Variants in NCKAP5 observed in about 807,000 individuals in gnomAD.
NCKAP5 encodes nck-associated protein 5.
NCKAP5 carries 92 observed loss-of-function variants against 167.0 expected under a neutral mutation model. The observed-to-expected ratio is 0.55, with a 90% CI of 0.47 to 0.66. The LOEUF is 0.66. NCKAP5 is among the 30% of genes least tolerant of loss of function. The pLI, the probability that NCKAP5 is intolerant of heterozygous loss-of-function variation, is 0.00. For missense variants in NCKAP5, 2,378 were observed against 2,315.0 expected (o/e 1.03, Z -0.56); for synonymous variants, 891 against 877.4 (o/e 1.02, Z -0.27).
At position 133,032,792 on chromosome 2, in the gene NCKAP5, T is replaced by C. The variant is rs541968041; in HGVS notation, c.342-38553A>G. 2.0e-4 allele frequency among the ~76,000 whole-genome samples: 30 copies of C among 152,186 alleles called. No homozygotes were observed. In the South Asian group the frequency reaches 4.6e-3, roughly 23 times the overall value. On this transcript the variant is annotated intron_variant, in intron 6 of 19. Coordinates refer to ENST00000409261, the MANE Select transcript of NCKAP5 (RefSeq NM_207363.3). Reference sequence around the variant, plus strand: ...AGTTCTGCAGGTTGTACAGAAAGCATGGTTGGGGAGGCCTCAGGAAACTTA... The same window carrying C: ...AGTTCTGCAGGTTGTACAGAAAGCACGGTTGGGGAGGCCTCAGGAAACTTA...
At chr2:132,751,589 A>G (rs764629404) in intron 16 of NCKAP5, among the ~76,000 whole-genome samples, 14 of 152,218 alleles carry the variant, frequency 9.2e-5, no homozygotes, top group Non-Finnish European at 1.6e-4. Flanking sequence ...AGCAATGCAC[A>G]TGCCTACAGC....
chr2:133,022,408 G>T (rs2078558124), intron 6 of NCKAP5, among the ~76,000 whole-genome samples: 1 of 152,162 alleles, frequency 6.6e-6, no homozygotes, highest in African/African-American at 2.4e-5. Context: ...GCTTTGAAAT[G>T]CTGATTACTT....
intron 2 of NCKAP5, among the ~76,000 whole-genome samples, chr2:133,539,637 G>A (rs1217543885): frequency 6.6e-5 from 10 of 151,680 alleles, no homozygotes; most frequent in East Asian, 3.9e-4. Context: ...AAAAAACTAC[G>A]GTCTAAAATG....
intron 3 of NCKAP5, among the ~76,000 whole-genome samples, chr2:133,305,464 C>G (rs1034654152): frequency 6.6e-6 from 1 of 152,172 alleles, no homozygotes; most frequent in South Asian, 2.1e-4. Flanking sequence ...AAATAGCAAG[C>G]ATGGCCTTTT....
chr2:133,148,783 A>G (rs2083288033), intron 5 of NCKAP5, among the ~76,000 whole-genome samples: 2 of 152,118 alleles, frequency 1.3e-5, no homozygotes, highest in South Asian at 2.1e-4. Flanking sequence ...TAATCCTATC[A>G]TAAGAGCTCC....
At chr2:133,660,471 T>C in the NCKAP5 span, among the ~76,000 whole-genome samples, 2 of 152,202 alleles carry the variant, frequency 1.3e-5, no homozygotes, top group African/African-American at 2.4e-5. Context: ...TACAAAACTA[T>C]CTCGGGGTGA....
At chr2:133,055,929 G>T (rs2079783153) in intron 6 of NCKAP5, among the ~76,000 whole-genome samples, 1 of 152,062 alleles carries the variant, frequency 6.6e-6, no homozygotes, top group South Asian at 2.1e-4. Context: ...CTTTAATTAT[G>T]GGAACAATAA....
chr2:132,963,898 A>G (rs772003259), intron 7 of NCKAP5, 29 bp from the exon 8 acceptor site: 2 of 1,610,886 alleles, frequency 1.2e-6, no homozygotes, highest in East Asian at 2.2e-5. Flanking sequence ...ACTGTTTTCA[A>G]TAATCTCCAG....
chr2:132,708,101 G>A (rs1408421124), intron 19 of NCKAP5, among the ~76,000 whole-genome samples: 1 of 152,094 alleles, frequency 6.6e-6, no homozygotes, highest in East Asian at 1.9e-4. Flanking sequence ...ACTCAAGGAT[G>A]TACTAGCTTC....
At chr2:133,454,924 T>C (rs1053356685) in intron 3 of NCKAP5, among the ~76,000 whole-genome samples, 10 of 152,128 alleles carry the variant, frequency 6.6e-5, no homozygotes, top group African/African-American at 1.9e-4. Context: ...GAGCCAGTTA[T>C]ATACTTTCAT....
intron 9 of NCKAP5, 96 bp downstream of exon 9, chr2:132,878,752 T>C: frequency 1.1e-6 from 1 of 902,062 alleles, no homozygotes; most frequent in Non-Finnish European, 1.8e-6. Context: ...ATGCTGATGT[T>C]TTGTGGATAC....
intron 11 of NCKAP5, among the ~76,000 whole-genome samples, chr2:132,848,734 G>A (rs1358488578): frequency 6.6e-6 from 1 of 152,128 alleles, no homozygotes; most frequent in African/African-American, 2.4e-5. Flanking sequence ...GAGGCAGAAG[G>A]GTCACTTGAG....
intron 1 of NCKAP5, among the ~76,000 whole-genome samples, chr2:133,561,000 G>C (rs1688116299): frequency 6.6e-6 from 1 of 152,194 alleles, no homozygotes; most frequent in Non-Finnish European, 1.5e-5. Context: ...CACAGCCCTG[G>C]TTTGGTTGAT....
chr2:133,198,042 AT>A (rs2085515910), intron 5 of NCKAP5, among the ~76,000 whole-genome samples: 4 of 152,192 alleles, frequency 2.6e-5, no homozygotes, highest in Admixed American at 6.6e-5. Flanking sequence ...AAACTGAAAA[AT>A]TAGAGAAAGC....
chr2:133,643,525 C>T, the NCKAP5 span, among the ~76,000 whole-genome samples: 2 of 152,270 alleles, frequency 1.3e-5, no homozygotes, highest in Admixed American at 6.5e-5. Context: ...GCTATATCTT[C>T]TAATGCCTTA....
rs527477728 is a variant in NCKAP5 at position 132,740,710 on chromosome 2, A to T, written c.5129-8659T>A. Among the ~76,000 whole-genome samples, 19 of 152,254 alleles carry T rather than the reference A, an allele frequency of 1.2e-4. No homozygotes were observed. In the South Asian group the frequency reaches 2.7e-3, roughly 22 times the overall value. On this transcript the variant is annotated intron_variant, in intron 16 of 19. Transcript: ENST00000409261. ...TTAGCTTCCTGAGATTTGAAAACCA[A>T]GCAGGATAATATAAATGTGCTTTCC...
At chr2:133,509,721 C>G (rs1455576235) in intron 3 of NCKAP5, among the ~76,000 whole-genome samples, 1 of 152,116 alleles carries the variant, frequency 6.6e-6, no homozygotes, top group Non-Finnish European at 1.5e-5. Flanking sequence ...GAGGGGTGCT[C>G]CTGGCATCCA....
chr2:133,104,112 A>G (rs2081605793), intron 6 of NCKAP5, among the ~76,000 whole-genome samples: 1 of 152,058 alleles, frequency 6.6e-6, no homozygotes, highest in Non-Finnish European at 1.5e-5. Flanking sequence ...CTGAAACAAA[A>G]TCATTACAGA....
intron 2 of NCKAP5, among the ~76,000 whole-genome samples, chr2:133,553,429 T>C (rs1687515171): frequency 6.6e-6 from 1 of 152,136 alleles, no homozygotes; most frequent in Non-Finnish European, 1.5e-5. Context: ...ATTTTTAATG[T>C]CGTCAGCCCA....
Sources: gnomAD v4.1 joint callset for allele counts (sites outside exome capture counted in the v4.1 genomes callset) on GRCh38, gnomAD v4.1.1 for gene constraint, MANE v1.5 for transcripts, NCBI Gene and HGNC (gene_info 2026-07-23, HGNC 2026-07-21) for gene names.